The following MPDZ variants were observed in gnomAD, a reference collection of about 807,000 sequenced individuals.
The protein encoded by MPDZ is multiple PDZ domain crumbs cell polarity complex component, also known as multiple PDZ domain protein.
In MPDZ, 234 loss-of-function variants were observed where a neutral mutation model predicts 239.1. That is an observed-to-expected ratio of 0.98 (90% CI 0.88 to 1.09). The LOEUF (loss-of-function observed/expected upper bound fraction) is 1.09, where lower values mean the gene tolerates loss of function less well. MPDZ is among the 50% of genes least tolerant of loss of function. MPDZ has a pLI of 0.00. For synonymous variants in MPDZ, 1,048 were observed against 881.3 expected (o/e 1.19, Z -3.35); for missense variants, 3,175 against 2,510.0 (o/e 1.26, Z -5.66).
In MPDZ at chr9:13,198,649, A is replaced by G. The variant is rs1253299910; in HGVS notation, c.1547-2419T>C. The stretch of plus-strand genomic sequence containing the variant: ...CCCGTGCTTTTGTGAAATTACATAA[A>G]AAATCTTTGCCCAGACAAATCCAAT... On this transcript the variant is annotated intron_variant, in intron 12 of 46. Coordinates refer to ENST00000319217, the MANE Select transcript of MPDZ (RefSeq NM_001378778.1). Among the ~76,000 whole-genome samples the G allele has an allele frequency of 4.0e-5, 6 of 151,702 alleles. No homozygotes were observed. In the Admixed American group the frequency reaches 4.0e-4, roughly 10 times the overall value.
chr9:13,163,556 ACTGCTGTC>A (rs1007707090), intron 22 of MPDZ, among the ~76,000 whole-genome samples: 1 of 152,146 alleles, frequency 6.6e-6, no homozygotes, highest in African/African-American at 2.4e-5. Context: ...ATTCAAGTCT[ACTGCTGTC>A]CTGCTGTCCT....
chr9:13,162,747 C>T lies in MPDZ; in HGVS notation c.3303G>A (p.Leu1101=). Reference sequence around the variant, plus strand: ...CCATTACTCTTCCAGATTGTTGTCCCAAGCTTATTTTGAACTCTTCCAAAT... The same window carrying T: ...CCATTACTCTTCCAGATTGTTGTCCTAAGCTTATTTTGAACTCTTCCAAAT... ...AEHLEEFKIS[L]GQQSGRVMAL... Residue 1101 remains leucine (L), a synonymous_variant, in exon 23 of 47, where the codon TTG becomes TTA. Coordinates refer to ENST00000319217, the MANE Select transcript of MPDZ (RefSeq NM_001378778.1). 2 of 1,611,304 alleles carry T rather than the reference C, an allele frequency of 1.2e-6. No individual in the cohort carries two copies. Among genetic ancestry groups the T allele is most frequent in the South Asian group, 1.1e-5 (1 of 90,762 alleles).
intron 22 of MPDZ, among the ~76,000 whole-genome samples, chr9:13,166,056 T>G (rs1408403399): frequency 6.6e-6 from 1 of 152,032 alleles, no homozygotes; most frequent in African/African-American, 2.4e-5. Context: ...AACCACAGTC[T>G]CCTTTTTTAA....
At chr9:13,108,590 T>C (rs1586838854) in intron 46 of MPDZ, among the ~76,000 whole-genome samples, 2 of 152,142 alleles carry the variant, frequency 1.3e-5, no homozygotes, top group East Asian at 1.9e-4. Flanking sequence ...ATACCAGTGC[T>C]CTACAGCATA....
intron 2 of MPDZ, among the ~76,000 whole-genome samples, chr9:13,248,852 A>C (rs552042280): frequency 6.6e-6 from 1 of 151,496 alleles, no homozygotes; most frequent in East Asian, 1.9e-4. Context: ...ATATGCCTGT[A>C]ATCTCAGCTA....
chr9:13,278,670 G>A (rs1020160831), intron 1 of MPDZ, among the ~76,000 whole-genome samples: 2 of 152,170 alleles, frequency 1.3e-5, no homozygotes, highest in African/African-American at 2.4e-5. Flanking sequence ...AGGAGACTAA[G>A]GGAGAGACAA....
intron 21 of MPDZ, among the ~76,000 whole-genome samples, chr9:13,169,665 G>A (rs756266311): frequency 6.6e-5 from 10 of 152,070 alleles, no homozygotes; most frequent in Middle Eastern, 3.4e-3. Flanking sequence ...CAAAAAAAAA[G>A]ACAAGTAATA....
At chr9:13,169,740 G>A (rs942044601) in intron 21 of MPDZ, among the ~76,000 whole-genome samples, 1 of 152,104 alleles carries the variant, frequency 6.6e-6, no homozygotes, top group Non-Finnish European at 1.5e-5. Context: ...CAACATACTT[G>A]CTCAGCACAG....
intron 19 of MPDZ, among the ~76,000 whole-genome samples, chr9:13,177,593 C>T (rs535251241): frequency 3.9e-4 from 60 of 152,226 alleles, no homozygotes; most frequent in African/African-American, 1.3e-3. Context: ...ATTTCCATGT[C>T]AGTTTAAAAA....
chr9:13,150,672 C>A lies in MPDZ; in HGVS notation c.3469G>T (p.Glu1157Ter). ...CTGATGCCTAAGGATTTGCTTGGTTCTCTCCAGAGTTCCACCCTAAAAAAT... is the reference window on the plus strand; with the variant it reads ...CTGATGCCTAAGGATTTGCTTGGTTATCTCCAGAGTTCCACCCTAAAAAAT... ...NQPRRVELWR[E>*]PSKSLGISIV... is the part of the protein sequence containing the mutation. Residue 1157 changes from glutamate to a stop codon, truncating the protein, a stop_gained, in exon 25 of 47, where the codon GAA becomes TAA. Transcript: ENST00000319217. LOFTEE classifies it high-confidence loss of function. 1 of 1,405,322 alleles carries A rather than the reference C, an allele frequency of 7.1e-7. No homozygotes were observed. The highest frequency in any genetic ancestry group is 2.4e-5 in the Admixed American group (1 of 42,534). 87.1% of individuals were successfully genotyped at this position (1,405,322 alleles called of 1,614,324 possible). A position where few individuals can be genotyped will look rare whatever the true frequency, so the allele number is the denominator to read the frequency against.
chr9:13,250,684 A>G (rs1967713823), intron 1 of MPDZ, among the ~76,000 whole-genome samples: 1 of 152,196 alleles, frequency 6.6e-6, no homozygotes, highest in African/African-American at 2.4e-5. Flanking sequence ...ATAATCTTGT[A>G]TTCACTTACA....
At chr9:13,165,036 T>G (rs979938491) in intron 22 of MPDZ, among the ~76,000 whole-genome samples, 15 of 152,152 alleles carry the variant, frequency 9.9e-5, no homozygotes, top group African/African-American at 3.6e-4. Context: ...CCATTAGAGA[T>G]GCTGAAATGT....
intron 30 of MPDZ, among the ~76,000 whole-genome samples, chr9:13,136,386 T>C (rs71476205): frequency 7.1e-6 from 1 of 140,878 alleles, no homozygotes; most frequent in Non-Finnish European, 1.5e-5. Context: ...AGCTGGAGTG[T>C]AGTGGCACAG....
intron 22 of MPDZ, among the ~76,000 whole-genome samples, chr9:13,165,183 A>C (rs1950924113): frequency 6.6e-6 from 1 of 152,182 alleles, no homozygotes; most frequent in Non-Finnish European, 1.5e-5. Context: ...GTGAAAACGT[A>C]ACAATCTCAT....
intron 10 of MPDZ, 37 bp downstream of exon 10, chr9:13,216,737 G>A: frequency 6.9e-7 from 1 of 1,448,514 alleles, no homozygotes; most frequent in Non-Finnish European, 9.6e-7. Flanking sequence ...TCTCAACCAT[G>A]AAAATTAACA....
In MPDZ at chr9:13,236,245, GTGTGTATATA is replaced by G. The variant is rs1225070852; in HGVS notation, c.183+11380_183+11389del. On this transcript the variant is annotated intron_variant, in intron 3 of 46. Coordinates refer to ENST00000319217, the MANE Select transcript of MPDZ (RefSeq NM_001378778.1). ...TGTGTGTATATGTATATGTGTGTGTGTGTGTATATATATATATATATATTTTTTTTTTTTT... is the reference window on the plus strand; with the variant it reads ...TGTGTGTATATGTATATGTGTGTGTGTATATATATATATTTTTTTTTTTTT... 8.9e-4 allele frequency among the ~76,000 whole-genome samples: 12 copies of G among 13,464 alleles called. 2 individuals carry two copies. The highest frequency in any genetic ancestry group is 1.5e-3 in the Admixed American group (1 of 666). The allele number at this position is 13,464 out of a possible 152,430, so 8.8% of individuals were successfully genotyped here. A position where few individuals can be genotyped will look rare whatever the true frequency, so the allele number is the denominator to read the frequency against.
intron 3 of MPDZ, among the ~76,000 whole-genome samples, chr9:13,226,340 A>G (rs745698591): frequency 6.6e-6 from 1 of 152,156 alleles, no homozygotes; most frequent in Non-Finnish European, 1.5e-5. Context: ...TCCTAATTTC[A>G]TATTTATGTT....
intron 1 of MPDZ, among the ~76,000 whole-genome samples, chr9:13,252,391 C>A (rs939012312): frequency 5.3e-5 from 8 of 151,760 alleles, no homozygotes; most frequent in Non-Finnish European, 5.9e-5. Flanking sequence ...CATGGTGAAA[C>A]CCTGTCTCTA....
In MPDZ at chr9:13,170,443, C is replaced by T. The variant is rs942498037; in HGVS notation, c.3056-1879G>A. ...TTTGAAGTGTATTGTTAAGAAGACA[C>T]CTCTGCTTACCATAAAACAATAAGA... On this transcript the variant is annotated intron_variant, in intron 21 of 46. Coordinates refer to ENST00000319217, the MANE Select transcript of MPDZ (RefSeq NM_001378778.1). Among the ~76,000 whole-genome samples the T allele has an allele frequency of 3.9e-5, 6 of 152,076 alleles. No individual in the cohort carries two copies. In the East Asian group the frequency reaches 7.7e-4, roughly 20 times the overall value.
Sources: allele counts gnomAD v4.1 joint callset (sites outside exome capture counted in the v4.1 genomes callset), GRCh38; gene constraint gnomAD v4.1.1; transcripts MANE v1.5; gene names NCBI Gene and HGNC (gene_info 2026-07-23, HGNC 2026-07-21).